Variants in GALNT14 observed in about 807,000 individuals in gnomAD.
GALNT14 encodes the protein UDP-GalNAc:polypeptide N-acetylgalactosaminyltransferase 14.
Under a neutral mutation model 77.5 loss-of-function variants are expected in GALNT14, and 60 were observed. That is an observed-to-expected ratio of 0.77 (90% CI 0.63 to 0.96). GALNT14 has a LOEUF of 0.96. Ranked by LOEUF, GALNT14 falls within the 40% of genes least tolerant of loss-of-function variation. GALNT14 has a pLI of 0.00. For missense variants in GALNT14, 710 were observed against 731.0 expected (o/e 0.97, Z 0.33); for synonymous variants, 280 against 281.7 (o/e 0.99, Z 0.06).
At chr2:31,081,494 G>A (rs545074055) in intron 1 of GALNT14, among the ~76,000 whole-genome samples, 7 of 152,226 alleles carry the variant, frequency 4.6e-5, no homozygotes, top group Non-Finnish European at 1.0e-4. Context: ...AGTGTTTTGG[G>A]TTGGACCTGT....
In GALNT14 at chr2:31,135,657, A is replaced by C. The variant is rs145938456; in HGVS notation, c.129+2301T>G. Among the ~76,000 whole-genome samples, 3 of 152,366 alleles carry C rather than the reference A, an allele frequency of 2.0e-5. No homozygotes were observed. The East Asian group carries it at 5.8e-4, about 29-fold the overall frequency. Reference sequence around the variant, plus strand: ...GACAAAGAGCAACTGGTTCAAAACTAGAAAACCTCCTCTTTTGTGACTGCA... The same window carrying C: ...GACAAAGAGCAACTGGTTCAAAACTCGAAAACCTCCTCTTTTGTGACTGCA... On this transcript the variant is annotated intron_variant, in intron 1 of 14. Coordinates refer to ENST00000349752, the MANE Select transcript of GALNT14 (RefSeq NM_024572.4).
rs1187082350 is a variant in GALNT14 at position 30,918,676 on chromosome 2, GGCA to G, written c.1380+5440_1380+5442del. On this transcript the variant is annotated intron_variant, in intron 13 of 14. Transcript: ENST00000349752. ...GAGGATGGCATCGGGCAGGGAGGGT[GGCA>G]TCAGGCAGGGAGGATGGCATCGGGC... Among the ~76,000 whole-genome samples the G allele has an allele frequency of 4.9e-5, 6 of 123,570 alleles. 1 individual carries two copies. Among genetic ancestry groups the G allele is most frequent in the Non-Finnish European group, 1.1e-4 (6 of 53,810 alleles). The allele number at this position is 123,570 out of a possible 152,430, so 81.1% of individuals were successfully genotyped here.
At chr2:30,968,811 A>C (rs1668168148) in intron 2 of GALNT14, among the ~76,000 whole-genome samples, 1 of 152,234 alleles carries the variant, frequency 6.6e-6, no homozygotes, top group Non-Finnish European at 1.5e-5. Flanking sequence ...TTAGATAAGC[A>C]GTAGAAAAAG....
At chr2:30,937,839 G>C (rs1441549278) in intron 9 of GALNT14, among the ~76,000 whole-genome samples, 2 of 152,150 alleles carry the variant, frequency 1.3e-5, no homozygotes, top group African/African-American at 4.8e-5. Context: ...TGGGAGGGCT[G>C]TTCTCCCTAC....
At chr2:31,035,614 CACCT>C (rs1392895299) in intron 1 of GALNT14, among the ~76,000 whole-genome samples, 72 of 39,966 alleles carry the variant, frequency 1.8e-3, no homozygotes, top group African/African-American at 0.01. Context: ...CACACACACA[CACCT>C]ACACACACAC....
At chr2:31,050,221 C>T (rs4952039) in intron 1 of GALNT14, among the ~76,000 whole-genome samples, 113,570 of 152,154 alleles carry the variant, frequency 0.75, 42,668 homozygotes, top group East Asian at 1. Context: ...GCATCAGCAA[C>T]AGCCAGCTTG....
Position 31,016,278 on chromosome 2 carries a change from T to C in GALNT14, c.130-23271A>G, listed in dbSNP as rs192897553. Among the ~76,000 whole-genome samples the C allele has an allele frequency of 2.1e-3, 322 of 152,244 alleles. 1 individual carries two copies. The highest frequency in any genetic ancestry group is 8.3e-3 in the South Asian group (40 of 4,810). ...ACATCCCCAATGTCTCTTTCTGGATTTCTAATCTTCCCTTCTTGTAAGGAC... is the reference window on the plus strand; with the variant it reads ...ACATCCCCAATGTCTCTTTCTGGATCTCTAATCTTCCCTTCTTGTAAGGAC... On this transcript the variant is annotated intron_variant, in intron 1 of 14. Coordinates refer to ENST00000349752, the MANE Select transcript of GALNT14 (RefSeq NM_024572.4).
chr2:31,077,189 A>G (rs897305990), intron 1 of GALNT14, among the ~76,000 whole-genome samples: 6 of 152,348 alleles, frequency 3.9e-5, no homozygotes, highest in Non-Finnish European at 7.4e-5. Flanking sequence ...AAACAGGTAC[A>G]AAGAGGTTAG....
intron 1 of GALNT14, among the ~76,000 whole-genome samples, chr2:31,078,590 T>G (rs964346592): frequency 2.0e-5 from 3 of 152,266 alleles, no homozygotes; most frequent in African/African-American, 7.2e-5. Flanking sequence ...TGGAGCCAGA[T>G]CAAATCAATC....
At chr2:30,922,289 A>G (rs546786014) in intron 13 of GALNT14, among the ~76,000 whole-genome samples, 1 of 152,334 alleles carries the variant, frequency 6.6e-6, no homozygotes, top group South Asian at 2.1e-4. Context: ...CTGAGATCTC[A>G]TAGCATCCTG....
intron 1 of GALNT14, among the ~76,000 whole-genome samples, chr2:31,008,339 C>T (rs574710006): frequency 3.9e-5 from 6 of 152,242 alleles, no homozygotes; most frequent in East Asian, 1.9e-4. Flanking sequence ...TCAAGCAATC[C>T]TCCCATCTTA....
intron 1 of GALNT14, among the ~76,000 whole-genome samples, chr2:31,061,427 C>T (rs1674584543): frequency 1.3e-5 from 2 of 152,178 alleles, no homozygotes; most frequent in South Asian, 4.1e-4. Flanking sequence ...CACAGTCTGG[C>T]TTCCCACGAT....
chr2:31,010,320 C>T (rs1670940685), intron 1 of GALNT14, among the ~76,000 whole-genome samples: 2 of 152,320 alleles, frequency 1.3e-5, no homozygotes, highest in African/African-American at 4.8e-5. Context: ...ACATCTGTGG[C>T]TGGGCGTGGT....
At chr2:30,993,088 C>T in intron 1 of GALNT14, 81 bp from the exon 2 acceptor site, 3 of 1,461,724 alleles carry the variant, frequency 2.1e-6, no homozygotes, top group Non-Finnish European at 2.8e-6. Flanking sequence ...TACCCAACCC[C>T]AGAGACCAGG....
chr2:31,061,603 G>A (rs991114538), intron 1 of GALNT14, among the ~76,000 whole-genome samples: 1 of 152,016 alleles, frequency 6.6e-6, no homozygotes, highest in Non-Finnish European at 1.5e-5. Flanking sequence ...TAGCTCATAT[G>A]CCCTTTCCCA....
intron 1 of GALNT14, among the ~76,000 whole-genome samples, chr2:31,045,591 T>C (rs1237130138): frequency 2.0e-5 from 3 of 152,118 alleles, no homozygotes; most frequent in African/African-American, 4.8e-5. Context: ...GCCTCCCAGG[T>C]AGCTAGGATT....
Position 30,955,675 on chromosome 2 carries a change from G to A in GALNT14, c.597C>T (p.Asp199=). Residue 199 remains aspartate, a synonymous_variant, in exon 6 of 15, where the codon GAC becomes GAT. Transcript: ENST00000349752. The part of the protein sequence containing the change: ...IAQGTTLTFL[D]SHCEVNRDWL... ...AGTCCCTGTTCACCTCACAGTGGCTGTCGAGGAAAGTCAGAGTGGTGCCCT... is the reference window on the plus strand; with the variant it reads ...AGTCCCTGTTCACCTCACAGTGGCTATCGAGGAAAGTCAGAGTGGTGCCCT... The A allele has an allele frequency of 1.2e-6, 2 of 1,614,196 alleles. No individual in the cohort carries two copies. Among genetic ancestry groups the A allele is most frequent in the Non-Finnish European group, 1.7e-6 (2 of 1,180,040 alleles).
intron 2 of GALNT14, among the ~76,000 whole-genome samples, chr2:30,969,762 T>C (rs1668234030): frequency 6.6e-6 from 1 of 152,152 alleles, no homozygotes; most frequent in East Asian, 1.9e-4. Context: ...CAGCTGTGGG[T>C]ACGTGAGCCA....
At chr2:31,068,581 C>G (rs994078821) in intron 1 of GALNT14, among the ~76,000 whole-genome samples, 1 of 151,746 alleles carries the variant, frequency 6.6e-6, no homozygotes, top group Non-Finnish European at 1.5e-5. Context: ...TAGTGCAGAG[C>G]TACTCCTGTT....
Sources: allele counts gnomAD v4.1 joint callset (sites outside exome capture counted in the v4.1 genomes callset), GRCh38; gene constraint gnomAD v4.1.1; transcripts MANE v1.5; gene names NCBI Gene and HGNC (gene_info 2026-07-23, HGNC 2026-07-21).